STPG2: variants seen among roughly 807,000 people sequenced by gnomAD.
The protein encoded by STPG2 is sperm-tail PG-rich repeat-containing protein 2.
Under a neutral mutation model 54.2 loss-of-function variants are expected in STPG2, and 56 were observed. That is an observed-to-expected ratio of 1.03 (90% CI 0.83 to 1.29). The LOEUF (loss-of-function observed/expected upper bound fraction) is 1.29, where lower values mean the gene tolerates loss of function less well. STPG2 is among the 50% of genes most tolerant of loss of function. The pLI is 0.00. For synonymous variants in STPG2, 200 were observed against 181.8 expected (o/e 1.10, Z -0.81); for missense variants, 596 against 544.9 (o/e 1.09, Z -0.93).
chr4:97,664,284 G>A (rs1268355522), intron 10 of STPG2, among the ~76,000 whole-genome samples: 1 of 152,112 alleles, frequency 6.6e-6, no homozygotes, highest in Non-Finnish European at 1.5e-5. Flanking sequence ...ATCAGCAGTG[G>A]CAGCAATACA....
downstream of STPG2, among the ~76,000 whole-genome samples, chr4:97,556,532 T>C (rs1454022675): frequency 2.0e-5 from 3 of 152,184 alleles, no homozygotes; most frequent in African/African-American, 7.2e-5. Flanking sequence ...AAATTGCATT[T>C]TATGATTTGG....
intron 9 of STPG2, among the ~76,000 whole-genome samples, chr4:97,767,753 T>C (rs562405238): frequency 2.1e-4 from 32 of 152,322 alleles, no homozygotes; most frequent in East Asian, 1.9e-3. Flanking sequence ...ACACAAAAAT[T>C]AGTGTTTGAT....
At chr4:97,461,320 T>TATA (rs1729657077) in intron 4 of STPG2, among the ~76,000 whole-genome samples, 1 of 152,184 alleles carries the variant, frequency 6.6e-6, no homozygotes, top group African/African-American at 2.4e-5. Flanking sequence ...AACACTGCTA[T>TATA]GGTCAGAATG....
chr4:98,111,981 T>C (rs1288335559), intron 3 of STPG2, among the ~76,000 whole-genome samples: 1 of 152,008 alleles, frequency 6.6e-6, no homozygotes, highest in Non-Finnish European at 1.5e-5. Context: ...CTAAGAGTTA[T>C]ACCATCAGCT....
intron 10 of STPG2, among the ~76,000 whole-genome samples, chr4:97,624,634 A>G (rs1734094137): frequency 2.0e-5 from 3 of 151,976 alleles, no homozygotes; most frequent in Admixed American, 2.0e-4. Context: ...ATTATATCCC[A>G]TTTGTCAATT....
chr4:97,839,541 C>T (rs528643066), intron 9 of STPG2, among the ~76,000 whole-genome samples: 4 of 151,674 alleles, frequency 2.6e-5, no homozygotes, highest in African/African-American at 7.2e-5. Context: ...GGTGATGGTG[C>T]TGAAACTTCA....
intron 10 of STPG2, among the ~76,000 whole-genome samples, chr4:97,706,530 G>A (rs919415119): frequency 5.3e-5 from 8 of 152,136 alleles, no homozygotes; most frequent in Admixed American, 4.6e-4. Flanking sequence ...AGTGTTCAGA[G>A]CTATGAGAAA....
rs35662485 is a variant in STPG2, at chr4:97,478,873, A to ATGTGTG, written c.462+233820_462+233825dup. On this transcript the variant is annotated intron_variant, in intron 4 of 4. Transcript: ENST00000522676. ...ATGAACCCTAGAAACCAAGCCAAAT[A>ATGTGTG]TGTGTGTGTGTGTGTGTGTGTGTGT... Among the ~76,000 whole-genome samples, 145 of 134,036 alleles carry ATGTGTG rather than the reference A, an allele frequency of 1.1e-3. 1 individual carries two copies. The highest frequency in any genetic ancestry group is 3.7e-3 in the Middle Eastern group (1 of 272). The allele number at this position is 134,036 out of a possible 152,430, so 87.9% of individuals were successfully genotyped here.
At chr4:98,086,257 C>T (rs1738500114) in intron 5 of STPG2, among the ~76,000 whole-genome samples, 1 of 151,952 alleles carries the variant, frequency 6.6e-6, no homozygotes. Context: ...CACAGAAGAG[C>T]CTTATAAAAG....
At chr4:97,892,042 A>G (rs919673580) in intron 8 of STPG2, among the ~76,000 whole-genome samples, 2 of 152,070 alleles carry the variant, frequency 1.3e-5, no homozygotes, top group African/African-American at 4.8e-5. Context: ...AGTCATCTGC[A>G]TAACTTCCAC....
intron 9 of STPG2, among the ~76,000 whole-genome samples, chr4:97,779,324 G>C (rs1333268366): frequency 1.3e-5 from 2 of 152,160 alleles, no homozygotes; most frequent in African/African-American, 4.8e-5. Context: ...CTGGAAGAAA[G>C]GGTATCAGTG....
intron 5 of STPG2, among the ~76,000 whole-genome samples, chr4:98,088,792 A>T (rs1043279447): frequency 9.9e-5 from 15 of 151,656 alleles, no homozygotes; most frequent in African/African-American, 3.6e-4. Context: ...CCTACCATCC[A>T]TCCATTCTTC....
At chr4:97,473,763 A>G (rs1730003633) in intron 4 of STPG2, among the ~76,000 whole-genome samples, 1 of 152,140 alleles carries the variant, frequency 6.6e-6, no homozygotes, top group Admixed American at 6.6e-5. Flanking sequence ...ACCTACTGAC[A>G]AGTGATGTCT....
intron 5 of STPG2, among the ~76,000 whole-genome samples, chr4:98,073,758 A>T (rs1738076435): frequency 6.6e-6 from 1 of 152,062 alleles, no homozygotes; most frequent in African/African-American, 2.4e-5. Context: ...ATAATAATAA[A>T]ATTAAGGATA....
chr4:97,901,773 T>C (rs963503644), intron 8 of STPG2, among the ~76,000 whole-genome samples: 2 of 151,774 alleles, frequency 1.3e-5, no homozygotes, highest in African/African-American at 2.4e-5. Flanking sequence ...GCAATCCCTA[T>C]CAAAATTTCA....
chr4:97,448,249 G>C (rs1729276966), intron 4 of STPG2, among the ~76,000 whole-genome samples: 1 of 152,204 alleles, frequency 6.6e-6, no homozygotes, highest in South Asian at 2.1e-4. Context: ...TCTCAAATGA[G>C]ACTTTGGACT....
chr4:97,895,440 A>C (rs947516336), intron 8 of STPG2, among the ~76,000 whole-genome samples: 11 of 151,884 alleles, frequency 7.2e-5, no homozygotes, highest in African/African-American at 2.4e-4. Context: ...ACACTCCATT[A>C]ATTAGCCAAT....
At chr4:97,973,868 T>C (rs778221820) in intron 6 of STPG2, among the ~76,000 whole-genome samples, 2 of 152,170 alleles carry the variant, frequency 1.3e-5, no homozygotes, top group East Asian at 1.9e-4. Flanking sequence ...TGCTAGGGGA[T>C]TGTAGAAGGA....
chr4:97,859,472 T>C (rs1729443192), intron 8 of STPG2, among the ~76,000 whole-genome samples: 1 of 150,012 alleles, frequency 6.7e-6, no homozygotes, highest in Admixed American at 6.6e-5. Flanking sequence ...TTTTCTTTTT[T>C]TTTTTTTTTG....
Sources: allele counts gnomAD v4.1 joint callset (sites outside exome capture counted in the v4.1 genomes callset), GRCh38; gene constraint gnomAD v4.1.1; transcripts MANE v1.5; gene names NCBI Gene and HGNC (gene_info 2026-07-23, HGNC 2026-07-21).